Variants in ZNF536 observed in about 807,000 individuals in gnomAD.
ZNF536 encodes zinc finger protein 536.
ZNF536 carries 13 observed loss-of-function variants against 84.5 expected under a neutral mutation model. That is an observed-to-expected ratio of 0.15 (90% CI 0.10 to 0.24). The LOEUF (loss-of-function observed/expected upper bound fraction) is 0.24. ZNF536 is among the 10% of genes least tolerant of loss of function. ZNF536 has a pLI of 1.00. For synonymous variants in ZNF536, 811 were observed against 742.5 expected (o/e 1.09, Z -1.50); for missense variants, 1,536 against 1,747.5 (o/e 0.88, Z 2.16).
chr19:30,446,577 T>C (rs189022311), intron 2 of ZNF536, among the ~76,000 whole-genome samples: 27 of 152,116 alleles, frequency 1.8e-4, no homozygotes, highest in African/African-American at 6.5e-4. Context: ...CCTTCCAAAA[T>C]TACAACGTGG....
intron 1 of ZNF536, among the ~76,000 whole-genome samples, chr19:30,634,783 C>T (rs1600102034): frequency 6.6e-6 from 1 of 151,956 alleles, no homozygotes; most frequent in Admixed American, 6.6e-5. Context: ...TTCGGGAGTG[C>T]AGCTCGTTAT....
intron 3 of ZNF536, among the ~76,000 whole-genome samples, chr19:30,362,175 C>A (rs1458439201): frequency 6.6e-6 from 1 of 152,170 alleles, no homozygotes. Context: ...GGAACCAAAG[C>A]TCCTCTGAGT....
chr19:30,475,063 T>C (rs1037791167), intron 2 of ZNF536, among the ~76,000 whole-genome samples: 1 of 152,136 alleles, frequency 6.6e-6, no homozygotes, highest in Non-Finnish European at 1.5e-5. Context: ...GATAACCTTA[T>C]TTTTGCGTTA....
chr19:30,431,829 G>A (rs755602464), intron 1 of ZNF536, among the ~76,000 whole-genome samples: 6 of 152,132 alleles, frequency 3.9e-5, no homozygotes, highest in Non-Finnish European at 8.8e-5. Context: ...GCCAAGGCGG[G>A]TTAATAGGGG....
chr19:30,580,392 G>A lies in ZNF536; in HGVS notation c.169+30878G>A, dbSNP rs140913167. ...GGAAATGGTGTCTTTCAAGGCACTG[G>A]CATCCAGAGTCTGACCCTAGTAGGT... On this transcript the variant is annotated intron_variant, in intron 1 of 1. Coordinates refer to the ZNF536 transcript ENST00000592773. 1.7e-3 allele frequency among the ~76,000 whole-genome samples: 257 copies of A among 152,294 alleles called. 2 individuals are homozygous for A. The highest frequency in any genetic ancestry group is 5.9e-3 in the African/African-American group (245 of 41,574).
intron 1 of ZNF536, among the ~76,000 whole-genome samples, chr19:30,603,336 G>A (rs2047759454): frequency 6.6e-6 from 1 of 152,178 alleles, no homozygotes; most frequent in South Asian, 2.1e-4. Flanking sequence ...GCAGTATTTT[G>A]TGATTATAAG....
At position 30,356,073 on chromosome 19, in the gene ZNF536, G is replaced by A. The variant is rs145436669; in HGVS notation, c.-3+3589G>A. 2.2e-4 allele frequency among the ~76,000 whole-genome samples: 34 copies of A among 152,308 alleles called. No homozygotes were observed. In the East Asian group the frequency reaches 2.3e-3, roughly 10 times the overall value. Reference sequence around the variant, plus strand: ...TGATTACATAAACATTGAGGCAACCGTTGGTAACTAAATAAATCACACACA... The same window carrying A: ...TGATTACATAAACATTGAGGCAACCATTGGTAACTAAATAAATCACACACA... On this transcript the variant is annotated intron_variant, in intron 3 of 5. Transcript: ENST00000585628.
intron 2 of ZNF536, among the ~76,000 whole-genome samples, chr19:30,321,038 C>A (rs1021300956): frequency 6.6e-6 from 1 of 152,208 alleles, no homozygotes; most frequent in African/African-American, 2.4e-5. Flanking sequence ...TCACCATCTC[C>A]GTCCCTTGGG....
At chr19:30,659,853 C>G (rs1428330852) in intron 1 of ZNF536, among the ~76,000 whole-genome samples, 1 of 151,626 alleles carries the variant, frequency 6.6e-6, no homozygotes, top group African/African-American at 2.4e-5. Context: ...CCAACCATAT[C>G]ATGTGTGCAA....
chr19:30,231,666 A>T (rs555600650), intron 1 of ZNF536, among the ~76,000 whole-genome samples: 1 of 151,946 alleles, frequency 6.6e-6, no homozygotes, highest in East Asian at 1.9e-4. Context: ...TCAGGTCTAG[A>T]CTCTTCAGGC....
At position 30,646,231 on chromosome 19, in the gene ZNF536, T is replaced by C. The variant is rs2049463825; in HGVS notation, c.170-64526T>C. Among the ~76,000 whole-genome samples, 2 of 152,212 alleles carry C rather than the reference T, an allele frequency of 1.3e-5. 1 individual carries two copies. The highest frequency in any genetic ancestry group is 4.1e-4 in the South Asian group (2 of 4,830). ...TTACCGTAATGTGACTAAGGGGGCC[T>C]TTCCCCCTGTCATGTGCCTCCCCAA... On this transcript the variant is annotated intron_variant, in intron 1 of 1. Transcript: ENST00000592773.
At chr19:30,273,368 T>G (rs2145502402) in intron 1 of ZNF536, among the ~76,000 whole-genome samples, 1 of 152,242 alleles carries the variant, frequency 6.6e-6, no homozygotes, top group Middle Eastern at 3.4e-3. Flanking sequence ...TGAATGAGAG[T>G]TCCTGTTGCT....
chr19:30,636,091 C>T (rs2147284304), intron 1 of ZNF536, among the ~76,000 whole-genome samples: 1 of 152,332 alleles, frequency 6.6e-6, no homozygotes, highest in East Asian at 1.9e-4. Flanking sequence ...TACCTCTGGG[C>T]TTTGGAATCT....
chr19:30,457,041 CAA>C (rs11405582), intron 2 of ZNF536, among the ~76,000 whole-genome samples: 1,796 of 117,818 alleles, frequency 0.015, 27 homozygotes, highest in African/African-American at 0.058. Context: ...GACTTCATCT[CAA>C]AAAAAAAAAA....
intron 2 of ZNF536, among the ~76,000 whole-genome samples, chr19:30,336,464 C>T (rs1433065): frequency 0.57 from 86,127 of 152,130 alleles, 26,117 homozygotes; most frequent in African/African-American, 0.79. Flanking sequence ...AGAGGGATTG[C>T]ATAAACAATT....
chr19:30,480,897 A>G (rs113142180), intron 2 of ZNF536, among the ~76,000 whole-genome samples: 2,155 of 152,108 alleles, frequency 0.014, 57 homozygotes, highest in African/African-American at 0.05. Context: ...TTAGCTGGGC[A>G]TGGTGGATGC....
rs781528411 is a variant in ZNF536, at chr19:30,271,299, C to CTT, written c.-189-12754_-189-12753dup. Among the ~76,000 whole-genome samples, 310 of 111,800 alleles carry CTT rather than the reference C, an allele frequency of 2.8e-3. 2 individuals are homozygous for CTT. The highest frequency in any genetic ancestry group is 4.0e-3 in the Non-Finnish European group (237 of 58,562). 73.3% of individuals were successfully genotyped at this position (111,800 alleles called of 152,430 possible). A position where few individuals can be genotyped will look rare whatever the true frequency, so the allele number is the denominator to read the frequency against. On this transcript the variant is annotated intron_variant, in intron 1 of 5. Transcript: ENST00000585628. ...AGCTTTCCCTGTGTTTTTTTCTTTT[C>CTT]TTTTTTTTTTTTTTTTTTTTGCTAA...
At chr19:30,611,979 C>T (rs2048120767) in intron 1 of ZNF536, among the ~76,000 whole-genome samples, 1 of 152,106 alleles carries the variant, frequency 6.6e-6, no homozygotes, top group South Asian at 2.1e-4. Context: ...GGATCTTTTG[C>T]TGTTTGGTCG....
At chr19:30,290,634 T>G (rs2145790411) in intron 2 of ZNF536, among the ~76,000 whole-genome samples, 1 of 152,300 alleles carries the variant, frequency 6.6e-6, no homozygotes, top group South Asian at 2.1e-4. Context: ...CTCATCACTC[T>G]TATGAATAAT....
Sources: gnomAD v4.1 joint callset for allele counts (sites outside exome capture counted in the v4.1 genomes callset) on GRCh38, gnomAD v4.1.1 for gene constraint, MANE v1.5 for transcripts, NCBI Gene and HGNC (gene_info 2026-07-23, HGNC 2026-07-21) for gene names.